The following KCNJ16 variants were observed in gnomAD, a reference collection of about 807,000 sequenced individuals.
KCNJ16 encodes potassium inwardly rectifying channel subfamily J member 16, also known as inward rectifier potassium channel 16.
A neutral mutation model predicts 18.5 loss-of-function variants in KCNJ16; 15 were observed. The observed-to-expected ratio is 0.81, with a 90% CI of 0.54 to 1.25. The LOEUF is 1.25. KCNJ16 is among the 50% of genes most tolerant of loss of function. The pLI is 0.00. For missense variants in KCNJ16, 523 were observed against 525.7 expected, an observed-to-expected ratio of 0.99 and a Z score of 0.05; for synonymous variants, 174 against 186.5, an observed-to-expected ratio of 0.93 and a Z score of 0.55.
chr17:70,134,237 C>G lies in KCNJ16; in HGVS notation c.*893C>G, dbSNP rs1025504774. ...CATTCTCAGACCCTTGGAGAGAAACCGTTGCTAGCTTGCTGGTCCCGAAAG... is the reference window on the plus strand; with the variant it reads ...CATTCTCAGACCCTTGGAGAGAAACGGTTGCTAGCTTGCTGGTCCCGAAAG... On this transcript the variant is annotated 3_prime_UTR_variant, in exon 4 of 4. Transcript: ENST00000392671. 27 of 162,428 alleles carry G rather than the reference C, an allele frequency of 1.7e-4. No homozygotes were observed. The highest frequency in any genetic ancestry group is 6.7e-4 in the African/African-American group (27 of 40,324). The allele number at this position is 162,428 out of a possible 1,614,324, so 10.1% of individuals were successfully genotyped here.
At chr17:70,079,114 GC>G (rs1567774501) in intron 1 of KCNJ16, among the ~76,000 whole-genome samples, 4 of 152,154 alleles carry the variant, frequency 2.6e-5, no homozygotes, top group African/African-American at 7.2e-5. Flanking sequence ...TAAGGAATTG[GC>G]TCAAGCGATT....
intron 2 of KCNJ16, among the ~76,000 whole-genome samples, chr17:70,129,472 T>C (rs2073981689): frequency 6.6e-6 from 1 of 152,218 alleles, no homozygotes; most frequent in Admixed American, 6.5e-5. Flanking sequence ...TTGGGTAGGC[T>C]GAGAAATGGG....
intron 2 of KCNJ16, among the ~76,000 whole-genome samples, chr17:70,107,331 G>C (rs1567792375): frequency 6.6e-6 from 1 of 152,088 alleles, no homozygotes. Flanking sequence ...AACCTAATAA[G>C]CCATATCATC....
At position 70,086,081 on chromosome 17, in the gene KCNJ16, G is replaced by A. The variant is rs115677265; in HGVS notation, c.-300+10691G>A. 8.7e-3 allele frequency among the ~76,000 whole-genome samples: 1,322 copies of A among 152,178 alleles called. 7 individuals are homozygous for A. Among genetic ancestry groups the A allele is most frequent in the African/African-American group, 0.022 (898 of 41,526 alleles). ...ATAAAATTAGAGCCCAATAGGCCTCGACAGGTTTCTTTAGTTTAAAAAGTC... is the reference window on the plus strand; with the variant it reads ...ATAAAATTAGAGCCCAATAGGCCTCAACAGGTTTCTTTAGTTTAAAAAGTC... On this transcript the variant is annotated intron_variant, in intron 1 of 3. Coordinates refer to ENST00000392671, the MANE Select transcript of KCNJ16 (RefSeq NM_170741.4).
chr17:70,117,914 TA>T, intron 2 of KCNJ16, among the ~76,000 whole-genome samples: 1 of 152,248 alleles, frequency 6.6e-6, no homozygotes, highest in African/African-American at 2.4e-5. Flanking sequence ...AACTCTTCTG[TA>T]AAGACTCAAA....
intron 1 of KCNJ16, among the ~76,000 whole-genome samples, chr17:70,093,283 G>A: frequency 6.6e-6 from 1 of 152,210 alleles, no homozygotes; most frequent in East Asian, 1.9e-4. Context: ...TCTGAGCCAA[G>A]GTGTAGTGTT....
At position 70,133,952 on chromosome 17, in the gene KCNJ16, A is replaced by G. The variant is rs992210211; in HGVS notation, c.*608A>G. On this transcript the variant is annotated 3_prime_UTR_variant, in exon 4 of 4. Coordinates refer to ENST00000392671, the MANE Select transcript of KCNJ16 (RefSeq NM_170741.4). ...CCACCAATTCCACTGCTACTTGCCC[A>G]GGTAGTGATCAGTGAGAGTTAGAAG... 2 of 167,310 alleles carry G rather than the reference A, an allele frequency of 1.2e-5. No individual in the cohort carries two copies. Among genetic ancestry groups the G allele is most frequent in the African/African-American group, 4.8e-5 (2 of 41,456 alleles). 10.4% of individuals were successfully genotyped at this position (167,310 alleles called of 1,614,324 possible).
At chr17:70,077,169 T>C (rs754827168) in intron 1 of KCNJ16, among the ~76,000 whole-genome samples, 1 of 151,682 alleles carries the variant, frequency 6.6e-6, no homozygotes, top group Non-Finnish European at 1.5e-5. Flanking sequence ...ATTGCAGGAG[T>C]GGGAGTAGCA....
chr17:70,095,045 A>G (rs897823810), intron 1 of KCNJ16, among the ~76,000 whole-genome samples: 1 of 152,230 alleles, frequency 6.6e-6, no homozygotes, highest in Admixed American at 6.5e-5. Context: ...AAAAAAAAGC[A>G]ATTAGATATT....
chr17:70,098,146 A>C (rs2143802694), intron 1 of KCNJ16, among the ~76,000 whole-genome samples: 1 of 152,306 alleles, frequency 6.6e-6, no homozygotes, highest in Admixed American at 6.5e-5. Context: ...ATTTAAAAAA[A>C]ATTTTCCTAG....
Position 70,132,191 on chromosome 17 carries a change from G to A in KCNJ16, c.104G>A (p.Arg35Gln), listed in dbSNP as rs146940841. The change falls in exon 4 of 4, where the codon CGA becomes CAA. Residue 35 changes from arginine (R) to glutamine (Q), a missense_variant. Physicochemically the swap from Arg to Gln is conservative, Grantham distance 43. Coordinates refer to ENST00000392671, the MANE Select transcript of KCNJ16 (RefSeq NM_170741.4). ...GCTGAGAAGAGAAGAGCAAGAAGAC[G>A]ATTACTTCACAAAGATGGCAGCTGT... ...IIAEKRRARR[R>Q]LLHKDGSCNV... 1,008 of 1,614,210 alleles carry A rather than the reference G, an allele frequency of 6.2e-4. No individual in the cohort carries two copies. In the Middle Eastern group the frequency reaches 9.2e-3, roughly 15 times the overall value.
rs190743386 is a variant in KCNJ16 at position 70,126,283 on chromosome 17, C to T, written c.-190-4596C>T. 3.0e-4 allele frequency among the ~76,000 whole-genome samples: 45 copies of T among 152,290 alleles called. 1 individual carries two copies. The highest frequency in any genetic ancestry group is 2.8e-3 in the Admixed American group (43 of 15,294). On this transcript the variant is annotated intron_variant, in intron 2 of 3. Transcript: ENST00000392671. ...AGGTCGTAGGTCTGTTCAGTAAACA[C>T]GATTAACTTATTCTCTTAACTGTAA...
intron 2 of KCNJ16, among the ~76,000 whole-genome samples, chr17:70,113,473 T>A (rs563903838): frequency 4.6e-5 from 7 of 152,312 alleles, no homozygotes; most frequent in African/African-American, 1.4e-4. Context: ...AATTTAAAAA[T>A]ACACAAAGAT....
chr17:70,094,330 G>A (rs1021097619), intron 1 of KCNJ16, among the ~76,000 whole-genome samples: 4 of 152,120 alleles, frequency 2.6e-5, no homozygotes, highest in African/African-American at 9.7e-5. Flanking sequence ...TATTTTCATG[G>A]CAGGAATAGC....
At chr17:70,092,566 T>TAG (rs371161073) in intron 1 of KCNJ16, among the ~76,000 whole-genome samples, 35,067 of 99,948 alleles carry the variant, frequency 0.35, 5,678 homozygotes, top group Non-Finnish European at 0.41. Flanking sequence ...AGATGATAGA[T>TAG]ATAGATAGAT....
intron 2 of KCNJ16, among the ~76,000 whole-genome samples, chr17:70,124,883 T>A (rs2073795043): frequency 6.6e-6 from 1 of 151,778 alleles, no homozygotes. Context: ...CTGAGTTGAA[T>A]AGATGGGTGT....
In KCNJ16 at chr17:70,135,504, C is replaced by T. The variant is rs2074191095; in HGVS notation, c.*2160C>T. On this transcript the variant is annotated 3_prime_UTR_variant, in exon 4 of 4. Transcript: ENST00000392671. The stretch of plus-strand genomic sequence containing the variant: ...TACTCAGAAGAGAGTGTAAAATCAG[C>T]ATTTCTATGTAACATATATCTCTAA... 6.0e-6 allele frequency: 1 copy of T among 167,006 alleles called. No individual in the cohort carries two copies. The highest frequency in any genetic ancestry group is 2.1e-4 in the South Asian group (1 of 4,832). The allele number at this position is 167,006 out of a possible 1,614,324, so 10.3% of individuals were successfully genotyped here. A position where few individuals can be genotyped will look rare whatever the true frequency, so the allele number is the denominator to read the frequency against.
chr17:70,134,515 CA>C lies in KCNJ16; in HGVS notation c.*1173del, dbSNP rs1435827153. ...GCACAGTAAGTGGATAATCTGAGTA[CA>C]ATGAAATTTCTTAAGTTTTAGAACA... On this transcript the variant is annotated 3_prime_UTR_variant, in exon 4 of 4. Coordinates refer to ENST00000392671, the MANE Select transcript of KCNJ16 (RefSeq NM_170741.4). The C allele has an allele frequency of 1.5e-4, 25 of 166,842 alleles. No individual in the cohort carries two copies. Among genetic ancestry groups the C allele is most frequent in the Non-Finnish European group, 1.5e-5 (1 of 68,092 alleles). The allele number at this position is 166,842 out of a possible 1,614,324, so 10.3% of individuals were successfully genotyped here. A position where few individuals can be genotyped will look rare whatever the true frequency, so the allele number is the denominator to read the frequency against.
chr17:70,078,956 G>A (rs2071430671), intron 1 of KCNJ16, among the ~76,000 whole-genome samples: 2 of 152,232 alleles, frequency 1.3e-5, no homozygotes, highest in South Asian at 4.2e-4. Context: ...ATTTTCCACT[G>A]TCAGAAACTC....
Sources: allele counts gnomAD v4.1 joint callset (sites outside exome capture counted in the v4.1 genomes callset), GRCh38; gene constraint gnomAD v4.1.1; transcripts MANE v1.5; gene names NCBI Gene and HGNC (gene_info 2026-07-23, HGNC 2026-07-21).